TMTC1: variants seen among roughly 807,000 people sequenced by gnomAD.
TMTC1 encodes transmembrane O-mannosyltransferase targeting cadherins 1, also known as protein O-mannosyl-transferase TMTC1.
Under a neutral mutation model 104.8 loss-of-function variants are expected in TMTC1, and 73 were observed. The ratio of observed to expected loss-of-function variants is 0.70; its 90% CI spans 0.58 to 0.85. The LOEUF (loss-of-function observed/expected upper bound fraction) is 0.85, where lower values mean the gene tolerates loss of function less well. Among genes scored for constraint, TMTC1 ranks in the 40% least tolerant of loss-of-function variants. TMTC1 has a pLI of 0.00. For missense variants in TMTC1, 1,035 were observed against 1,096.1 expected, an observed-to-expected ratio of 0.94 and a Z score of 0.79; for synonymous variants, 434 against 428.7, an observed-to-expected ratio of 1.01 and a Z score of -0.15.
intron 5 of TMTC1, among the ~76,000 whole-genome samples, chr12:29,750,985 T>C (rs531246850): frequency 1.3e-5 from 2 of 152,366 alleles, no homozygotes; most frequent in South Asian, 4.1e-4. Context: ...GCACTGGCAG[T>C]CTGGAGCTGC....
chr12:29,751,934 G>C (rs942794848), intron 4 of TMTC1, 62 bp from the exon 5 acceptor site: 1 of 1,438,914 alleles, frequency 6.9e-7, no homozygotes, highest in South Asian at 1.4e-5. Flanking sequence ...TACAACAACC[G>C]ATAGCAGTAA....
At position 29,536,193 on chromosome 12, in the gene TMTC1, T is replaced by C. The variant is rs372765764; in HGVS notation, c.1785+16A>G. On this transcript the variant is annotated intron_variant, in intron 11 of 17. Transcript: ENST00000539277. Reference sequence around the variant, plus strand: ...TAACAATAACATTGAAAAAAACTACTGTGTGAAACAATTACCTGCTCAGCC... The same window carrying C: ...TAACAATAACATTGAAAAAAACTACCGTGTGAAACAATTACCTGCTCAGCC... The C allele has an allele frequency of 3.3e-6, 5 of 1,499,060 alleles. No homozygotes were observed. In the African/African-American group the frequency reaches 5.5e-5, roughly 17 times the overall value. 92.9% of individuals were successfully genotyped at this position (1,499,060 alleles called of 1,614,324 possible). A position where few individuals can be genotyped will look rare whatever the true frequency, so the allele number is the denominator to read the frequency against.
intron 5 of TMTC1, among the ~76,000 whole-genome samples, chr12:29,671,391 G>C (rs11050359): frequency 0.21 from 32,005 of 151,956 alleles, 3,774 homozygotes; most frequent in East Asian, 0.29. Flanking sequence ...TCAAACTATT[G>C]AAACAGCAAT....
At chr12:29,656,094 A>G (rs916068272) in intron 5 of TMTC1, among the ~76,000 whole-genome samples, 2 of 152,096 alleles carry the variant, frequency 1.3e-5, no homozygotes, top group African/African-American at 2.4e-5. Flanking sequence ...CACAGCTGCT[A>G]AGAAGGAAAG....
intron 5 of TMTC1, among the ~76,000 whole-genome samples, chr12:29,722,608 A>G (rs774605052): frequency 6.6e-6 from 1 of 152,146 alleles, no homozygotes; most frequent in Non-Finnish European, 1.5e-5. Context: ...AAAAGATTCT[A>G]TTCATGAACT....
chr12:29,556,522 C>T (rs1402059597), intron 10 of TMTC1, among the ~76,000 whole-genome samples: 4 of 152,184 alleles, frequency 2.6e-5, no homozygotes, highest in Admixed American at 6.5e-5. Context: ...AGAATATTAG[C>T]ATATTAAAGC....
intron 4 of TMTC1, among the ~76,000 whole-genome samples, chr12:29,755,113 A>G (rs1978848): frequency 0.084 from 12,825 of 152,272 alleles, 529 homozygotes; most frequent in South Asian, 0.15. Context: ...CTTATCATCT[A>G]TAAGCCACAA....
At chr12:29,667,423 A>G (rs764274892) in intron 5 of TMTC1, among the ~76,000 whole-genome samples, 3 of 152,220 alleles carry the variant, frequency 2.0e-5, no homozygotes, top group Non-Finnish European at 4.4e-5. Context: ...TCTGAATTCA[A>G]GTTACTTCCA....
intron 5 of TMTC1, among the ~76,000 whole-genome samples, chr12:29,673,015 A>G (rs1940576308): frequency 1.3e-5 from 2 of 152,214 alleles, no homozygotes; most frequent in Admixed American, 1.3e-4. Flanking sequence ...GAGCCACAAG[A>G]GCTAGAAAGT....
intron 5 of TMTC1, among the ~76,000 whole-genome samples, chr12:29,650,331 C>G (rs1343593115): frequency 1.3e-5 from 2 of 151,994 alleles, no homozygotes; most frequent in African/African-American, 4.8e-5. Flanking sequence ...GTGATCTGCC[C>G]GCCTAAGCCT....
At chr12:29,529,103 T>G (rs1009714738) in intron 11 of TMTC1, among the ~76,000 whole-genome samples, 1 of 152,174 alleles carries the variant, frequency 6.6e-6, no homozygotes, top group Non-Finnish European at 1.5e-5. Context: ...GAGACAGTAT[T>G]TTAATAGCAT....
intron 5 of TMTC1, chr12:29,660,015 C>A: frequency 6.8e-7 from 1 of 1,480,820 alleles, no homozygotes; most frequent in Non-Finnish European, 9.1e-7. Context: ...AGTGAGATTG[C>A]CACCAATAAT....
chr12:29,649,824 A>G (rs1031041066), intron 5 of TMTC1, among the ~76,000 whole-genome samples: 1 of 152,162 alleles, frequency 6.6e-6, no homozygotes, highest in East Asian at 1.9e-4. Context: ...GTGTGTTACA[A>G]CCTTCTCAGA....
intron 5 of TMTC1, among the ~76,000 whole-genome samples, chr12:29,739,963 C>A (rs1047699620): frequency 5.9e-5 from 9 of 152,074 alleles, no homozygotes; most frequent in Non-Finnish European, 1.2e-4. Context: ...ACCTCAGCCT[C>A]CCGAAGTGCT....
At chr12:29,601,891 A>G (rs1162118019) in intron 7 of TMTC1, among the ~76,000 whole-genome samples, 1 of 145,544 alleles carries the variant, frequency 6.9e-6, no homozygotes. Context: ...GCTGGAGTGC[A>G]GTGGCGCGAT....
intron 6 of TMTC1, among the ~76,000 whole-genome samples, chr12:29,609,651 C>T (rs1042933012): frequency 6.6e-6 from 1 of 152,216 alleles, no homozygotes; most frequent in African/African-American, 2.4e-5. Flanking sequence ...GGGGAACTGA[C>T]TTCATCTTCA....
intron 6 of TMTC1, among the ~76,000 whole-genome samples, chr12:29,609,475 A>C (rs1380064949): frequency 1.3e-5 from 2 of 152,178 alleles, no homozygotes; most frequent in Non-Finnish European, 2.9e-5. Context: ...GATTCCTGGC[A>C]CAACACCCCT....
intron 11 of TMTC1, chr12:29,534,327 A>C (rs1944584134): frequency 6.6e-6 from 1 of 152,234 alleles, no homozygotes. Flanking sequence ...TCATGCCCAA[A>C]GGGGCAGAAG....
At chr12:29,665,220 G>A (rs921904920) in intron 5 of TMTC1, among the ~76,000 whole-genome samples, 5 of 152,172 alleles carry the variant, frequency 3.3e-5, no homozygotes, top group African/African-American at 9.7e-5. Context: ...TCACCTGGAG[G>A]AGGCCCTTCA....
Sources: gnomAD v4.1 joint callset for allele counts (sites outside exome capture counted in the v4.1 genomes callset) on GRCh38, gnomAD v4.1.1 for gene constraint, MANE v1.5 for transcripts, NCBI Gene and HGNC (gene_info 2026-07-23, HGNC 2026-07-21) for gene names.